The following DCUN1D1 variants were observed in gnomAD, a reference collection of about 807,000 sequenced individuals.
The protein encoded by DCUN1D1 is DCN1-like protein 1.
In DCUN1D1, 3 loss-of-function variants were observed where a neutral mutation model predicts 39.0. That is an observed-to-expected ratio of 0.08 (90% CI 0.04 to 0.20). DCUN1D1 has a LOEUF of 0.20. Ranked by LOEUF, DCUN1D1 falls within the 10% of genes least tolerant of loss-of-function variation. The probability of loss-of-function intolerance (pLI) is 1.00; values close to 1 mark genes in which losing one functional copy is unlikely to be tolerated. For missense variants in DCUN1D1, 158 were observed against 302.4 expected (o/e 0.52, Z 3.54); for synonymous variants, 82 against 96.3 (o/e 0.85, Z 0.87).
At chr3:182,983,792 A>G (rs1054997856), upstream of DCUN1D1, among the ~76,000 whole-genome samples, 38 of 152,112 alleles carry the variant, frequency 2.5e-4, no homozygotes, top group African/African-American at 7.2e-4. Context: ...TGGTTAGTCT[A>G]TTCTCTTGAT....
chr3:182,981,981 C>G (rs1240731311), upstream of DCUN1D1, among the ~76,000 whole-genome samples: 2 of 152,242 alleles, frequency 1.3e-5, no homozygotes, highest in South Asian at 4.1e-4. Flanking sequence ...ACTACATCCA[C>G]GGAGGTTCTC....
chr3:182,973,529 C>G (rs1277323334), intron 1 of DCUN1D1, among the ~76,000 whole-genome samples: 2 of 152,274 alleles, frequency 1.3e-5, no homozygotes, highest in Non-Finnish European at 2.9e-5. Context: ...TCAGAAGTGG[C>G]CGGGCGCAGT....
intron 1 of DCUN1D1, among the ~76,000 whole-genome samples, chr3:182,979,211 C>T (rs1440459068): frequency 6.6e-6 from 1 of 152,194 alleles, no homozygotes; most frequent in Admixed American, 6.5e-5. Flanking sequence ...TCCTACACAA[C>T]TTGCCACAGA....
intron 1 of DCUN1D1, among the ~76,000 whole-genome samples, chr3:182,975,694 A>C (rs888800408): frequency 2.2e-4 from 33 of 151,350 alleles, no homozygotes; most frequent in African/African-American, 6.5e-4. Context: ...AAAAAAAAAA[A>C]AAACAAAAAC....
At chr3:182,975,218 C>T (rs1728161349) in intron 1 of DCUN1D1, among the ~76,000 whole-genome samples, 1 of 151,100 alleles carries the variant, frequency 6.6e-6, no homozygotes, top group South Asian at 2.1e-4. Context: ...GCTCTGTCGC[C>T]CAGGCTGGAG....
At chr3:182,978,902 G>T (rs1439640826) in intron 1 of DCUN1D1, among the ~76,000 whole-genome samples, 1 of 152,190 alleles carries the variant, frequency 6.6e-6, no homozygotes, top group Non-Finnish European at 1.5e-5. Flanking sequence ...CTGAACAGGT[G>T]ATGAGTATTT....
chr3:182,945,002 T>G lies in DCUN1D1; in HGVS notation c.*92A>C, dbSNP rs1258441906. On this transcript the variant is annotated 3_prime_UTR_variant, in exon 7 of 7. Coordinates refer to ENST00000292782, the MANE Select transcript of DCUN1D1 (RefSeq NM_020640.4). ...TCAGTCTGAATTGTGAGGATTGATCTTCAGTTCAGTCCAGCCAGCAGAAAT... is the reference window on the plus strand; with the variant it reads ...TCAGTCTGAATTGTGAGGATTGATCGTCAGTTCAGTCCAGCCAGCAGAAAT... The G allele has an allele frequency of 5.6e-6, 6 of 1,079,502 alleles. No homozygotes were observed. The highest frequency in any genetic ancestry group is 8.4e-6 in the Non-Finnish European group (6 of 714,960). The allele number at this position is 1,079,502 out of a possible 1,614,324, so 66.9% of individuals were successfully genotyped here.
intron 4 of DCUN1D1, among the ~76,000 whole-genome samples, chr3:182,952,697 G>T (rs1726818889): frequency 6.6e-6 from 1 of 152,054 alleles, no homozygotes; most frequent in African/African-American, 2.4e-5. Context: ...AACCCCACAG[G>T]TTCCCCAGAT....
In DCUN1D1 at chr3:182,944,338, T is replaced by C. The variant is rs1426315480; in HGVS notation, c.*756A>G. 3.3e-5 allele frequency: 5 copies of C among 152,626 alleles called. No homozygotes were observed. The highest frequency in any genetic ancestry group is 7.4e-5 in the Non-Finnish European group (5 of 68,020). The allele number at this position is 152,626 out of a possible 1,614,324, so 9.5% of individuals were successfully genotyped here. A position where few individuals can be genotyped will look rare whatever the true frequency, so the allele number is the denominator to read the frequency against. ...TAGACAGGAGAAGAATCTAACATTATGCAGACATTTTCTAAATAAAAGCTC... is the reference window on the plus strand; with the variant it reads ...TAGACAGGAGAAGAATCTAACATTACGCAGACATTTTCTAAATAAAAGCTC... On this transcript the variant is annotated 3_prime_UTR_variant, in exon 7 of 7. Transcript: ENST00000292782.
chr3:182,950,049 GA>G (rs1726628176), intron 4 of DCUN1D1, among the ~76,000 whole-genome samples: 1 of 152,042 alleles, frequency 6.6e-6, no homozygotes, highest in Non-Finnish European at 1.5e-5. Flanking sequence ...CCTCTTTAAG[GA>G]ATCTTGTCTG....
intron 1 of DCUN1D1, chr3:182,985,798 A>G (rs1195199437): frequency 1.3e-5 from 2 of 152,210 alleles, no homozygotes; most frequent in East Asian, 3.8e-4. Flanking sequence ...TCACCTTCTA[A>G]AAAGGAAAAT....
At chr3:182,962,261 C>G (rs747088544) in intron 3 of DCUN1D1, among the ~76,000 whole-genome samples, 16 of 152,178 alleles carry the variant, frequency 1.1e-4, no homozygotes, top group Admixed American at 3.3e-4. Context: ...GTGTCCAGGC[C>G]AGTTAATTTA....
At position 182,938,346 on chromosome 3, in the gene DCUN1D1, C is replaced by G. The variant is rs1725984567; in HGVS notation, c.*6748G>C. 1 of 149,320 alleles carries G rather than the reference C, an allele frequency of 6.7e-6. No homozygotes were observed. Among genetic ancestry groups the G allele is most frequent in the South Asian group, 2.1e-4 (1 of 4,750 alleles). 9.2% of individuals were successfully genotyped at this position (149,320 alleles called of 1,614,324 possible). A position where few individuals can be genotyped will look rare whatever the true frequency, so the allele number is the denominator to read the frequency against. On this transcript the variant is annotated 3_prime_UTR_variant, in exon 7 of 7. Transcript: ENST00000292782. ...GCAATGTAGGAATCTTATTTGAATC[C>G]TGACTTGAATTGGAAAAAAAAAAAA... is the stretch of plus-strand genomic sequence containing the variant.
At chr3:182,954,611 C>T (rs772737592) in intron 4 of DCUN1D1, among the ~76,000 whole-genome samples, 4 of 149,658 alleles carry the variant, frequency 2.7e-5, no homozygotes, top group Non-Finnish European at 6.0e-5. Context: ...GCACATTTCA[C>T]GAGAAAAAAG....
intron 4 of DCUN1D1, among the ~76,000 whole-genome samples, chr3:182,955,172 C>G (rs1412332112): frequency 6.6e-6 from 1 of 152,012 alleles, no homozygotes; most frequent in Non-Finnish European, 1.5e-5. Flanking sequence ...TTCCGAGTAG[C>G]TAGGATTACA....
chr3:182,951,392 T>C (rs1726727227), intron 4 of DCUN1D1, among the ~76,000 whole-genome samples: 1 of 151,870 alleles, frequency 6.6e-6, no homozygotes, highest in South Asian at 2.1e-4. Context: ...AAATAAGAAT[T>C]TGACAAAAGT....
chr3:182,964,129 T>G (rs1727543111), intron 2 of DCUN1D1, 80 bp from the exon 3 acceptor site: 1 of 1,214,776 alleles, frequency 8.2e-7, no homozygotes, highest in Non-Finnish European at 1.2e-6. Flanking sequence ...ATGCTTTATA[T>G]GCCATTTTTT....
intron 1 of DCUN1D1, among the ~76,000 whole-genome samples, chr3:182,968,647 A>G (rs1727786691): frequency 6.6e-6 from 1 of 151,836 alleles, no homozygotes. Context: ...GTTGCCAGGC[A>G]GAAATGCAGT....
Position 182,943,368 on chromosome 3 carries a change from C to T in DCUN1D1, c.*1726G>A, listed in dbSNP as rs1726234576. 6.6e-6 allele frequency: 1 copy of T among 152,034 alleles called. No individual in the cohort carries two copies. The highest frequency in any genetic ancestry group is 6.6e-5 in the Admixed American group (1 of 15,234). 9.4% of individuals were successfully genotyped at this position (152,034 alleles called of 1,614,324 possible). On this transcript the variant is annotated 3_prime_UTR_variant, in exon 7 of 7. Coordinates refer to ENST00000292782, the MANE Select transcript of DCUN1D1 (RefSeq NM_020640.4). ...TTCTTTTTCCTTTTTCTTTTAATAA[C>T]CAATTCCAGTAGCCTGAATAGAAAT...
Sources: gnomAD v4.1 joint callset for allele counts (sites outside exome capture counted in the v4.1 genomes callset) on GRCh38, gnomAD v4.1.1 for gene constraint, MANE v1.5 for transcripts, NCBI Gene and HGNC (gene_info 2026-07-23, HGNC 2026-07-21) for gene names.